The following EYS variants were observed in gnomAD, a reference collection of about 807,000 sequenced individuals.
EYS encodes the protein EGF-like photoreceptor maintenance factor, also known as protein eyes shut homolog.
EYS carries 250 observed loss-of-function variants against 282.1 expected under a neutral mutation model. The observed-to-expected ratio is 0.89, with a 90% CI of 0.80 to 0.98. The LOEUF is 0.98. Ranked by LOEUF, EYS falls within the 50% of genes least tolerant of loss-of-function variation. EYS has a pLI of 0.00. For missense variants in EYS, 4,016 were observed against 3,709.0 expected (o/e 1.08, Z -2.15); for synonymous variants, 1,355 against 1,282.9 (o/e 1.06, Z -1.20).
At chr6:63,881,743 G>T (rs1270049228) in intron 35 of EYS, among the ~76,000 whole-genome samples, 1 of 151,902 alleles carries the variant, frequency 6.6e-6, no homozygotes, top group African/African-American at 2.4e-5. Context: ...ATAGAATAGG[G>T]TCAAATATTT....
chr6:64,726,266 A>G (rs931996656), intron 22 of EYS, among the ~76,000 whole-genome samples: 2 of 152,096 alleles, frequency 1.3e-5, no homozygotes, highest in Non-Finnish European at 2.9e-5. Flanking sequence ...ATGATGTGTG[A>G]TGAATGTCTT....
chr6:64,982,829 T>G (rs1294463542), intron 14 of EYS, among the ~76,000 whole-genome samples: 2 of 151,210 alleles, frequency 1.3e-5, no homozygotes, highest in Admixed American at 6.6e-5. Flanking sequence ...CTTAATAAAG[T>G]GGCAACTTCT....
At chr6:64,092,492 C>G (rs1229607502) in intron 31 of EYS, among the ~76,000 whole-genome samples, 1 of 152,082 alleles carries the variant, frequency 6.6e-6, no homozygotes, top group Non-Finnish European at 1.5e-5. Flanking sequence ...TTGCATTTCT[C>G]TGATGGCCAG....
In EYS at chr6:65,398,135, T is replaced by C. The variant is rs188113772; in HGVS notation, c.1184+4343A>G. On this transcript the variant is annotated intron_variant, in intron 7 of 42. Transcript: ENST00000503581. ...TTTTTCCTTGCAGAGGTGTTTGAGT[T>C]TCTTGTAGATTCTGAATACTAGCCT... Among the ~76,000 whole-genome samples, 500 of 152,176 alleles carry C rather than the reference T, an allele frequency of 3.3e-3. 1 individual carries two copies. The highest frequency in any genetic ancestry group is 5.7e-3 in the Non-Finnish European group (389 of 67,948).
At chr6:65,556,889 T>C (rs947371874) in intron 2 of EYS, among the ~76,000 whole-genome samples, 2 of 152,168 alleles carry the variant, frequency 1.3e-5, no homozygotes, top group Admixed American at 6.5e-5. Flanking sequence ...TAATATCACA[T>C]GTACTTAATT....
intron 35 of EYS, among the ~76,000 whole-genome samples, chr6:63,972,934 T>G (rs1766654444): frequency 6.6e-6 from 1 of 152,154 alleles, no homozygotes; most frequent in Non-Finnish European, 1.5e-5. Flanking sequence ...ATCCAGTCTA[T>G]CATTGATGGG....
chr6:65,617,474 A>G (rs1407362998), intron 2 of EYS, among the ~76,000 whole-genome samples: 1 of 152,100 alleles, frequency 6.6e-6, no homozygotes, highest in East Asian at 1.9e-4. Flanking sequence ...ATATTGATAA[A>G]TGTTTAATGA....
chr6:63,804,172 A>C (rs923933156), intron 37 of EYS, among the ~76,000 whole-genome samples: 1 of 152,126 alleles, frequency 6.6e-6, no homozygotes, highest in Admixed American at 6.5e-5. Flanking sequence ...GTGCACCACC[A>C]TGCCTGGCTA....
At chr6:63,924,346 C>A (rs191266530) in intron 35 of EYS, among the ~76,000 whole-genome samples, 1 of 152,106 alleles carries the variant, frequency 6.6e-6, no homozygotes, top group Non-Finnish European at 1.5e-5. Flanking sequence ...TGAAATGCTT[C>A]GTGTGGAAAA....
intron 5 of EYS, among the ~76,000 whole-genome samples, chr6:65,484,880 T>C (rs925101960): frequency 6.6e-6 from 1 of 152,198 alleles, no homozygotes; most frequent in Non-Finnish European, 1.5e-5. Flanking sequence ...CAAAGTTTTA[T>C]TGATATAGTG....
At chr6:65,496,255 A>C (rs1213557790) in intron 2 of EYS, among the ~76,000 whole-genome samples, 1 of 152,044 alleles carries the variant, frequency 6.6e-6, no homozygotes, top group Non-Finnish European at 1.5e-5. Context: ...AAATATAAGT[A>C]AATAAAGTAA....
rs964115411 is a variant in EYS at position 63,871,536 on chromosome 6, C to T, written c.7056-7178G>A. ...AATTAGCTGGGTGTGGTGGCACATG[C>T]CTGTAATTCCAGCTACTCAGGAGGC... On this transcript the variant is annotated intron_variant, in intron 35 of 42. Transcript: ENST00000503581. Among the ~76,000 whole-genome samples, 11 of 152,166 alleles carry T rather than the reference C, an allele frequency of 7.2e-5. No homozygotes were observed. In the East Asian group the frequency reaches 7.8e-4, roughly 11 times the overall value.
chr6:65,110,469 T>C (rs982686454), intron 12 of EYS, among the ~76,000 whole-genome samples: 2 of 152,094 alleles, frequency 1.3e-5, no homozygotes, highest in African/African-American at 2.4e-5. Flanking sequence ...AGGTGGAAGG[T>C]AAAACTTTAT....
chr6:65,051,415 T>C (rs1374154098), intron 13 of EYS, among the ~76,000 whole-genome samples: 1 of 151,574 alleles, frequency 6.6e-6, no homozygotes, highest in Non-Finnish European at 1.5e-5. Flanking sequence ...TTGTGCATCA[T>C]ACTTTATTTT....
chr6:64,342,207 T>A (rs200398898), intron 29 of EYS, among the ~76,000 whole-genome samples: 2 of 151,684 alleles, frequency 1.3e-5, no homozygotes, highest in Admixed American at 6.6e-5. Flanking sequence ...CAAAAACGCA[T>A]AAAATGTCTA....
chr6:65,501,408 CA>C (rs1328228924), intron 2 of EYS, among the ~76,000 whole-genome samples: 1 of 151,714 alleles, frequency 6.6e-6, no homozygotes, highest in East Asian at 1.9e-4. Context: ...TATCTCTTAA[CA>C]GAGATAATAT....
chr6:65,512,630 G>C (rs1305393275), intron 2 of EYS, among the ~76,000 whole-genome samples: 5 of 151,812 alleles, frequency 3.3e-5, no homozygotes, highest in East Asian at 3.9e-4. Flanking sequence ...TCAGGATTAA[G>C]AAACTCACTC....
chr6:64,728,206 C>G (rs932166587), intron 22 of EYS, among the ~76,000 whole-genome samples: 1 of 152,054 alleles, frequency 6.6e-6, no homozygotes, highest in Non-Finnish European at 1.5e-5. Flanking sequence ...GTACCCATGA[C>G]CCCTGAAGCC....
intron 26 of EYS, among the ~76,000 whole-genome samples, chr6:64,554,190 C>T (rs1047838284): frequency 6.6e-6 from 1 of 152,052 alleles, no homozygotes; most frequent in African/African-American, 2.4e-5. Context: ...TAGTCCCTGG[C>T]TTCTTATTTT....
Sources: allele counts gnomAD v4.1 joint callset (sites outside exome capture counted in the v4.1 genomes callset), GRCh38; gene constraint gnomAD v4.1.1; transcripts MANE v1.5; gene names NCBI Gene and HGNC (gene_info 2026-07-23, HGNC 2026-07-21).